The following PADI4 variants were observed in gnomAD, a reference collection of about 807,000 sequenced individuals.
The protein encoded by PADI4 is peptidyl arginine deiminase 4.
PADI4 carries 62 observed loss-of-function variants against 75.0 expected under a neutral mutation model. The observed-to-expected ratio is 0.83, with a 90% CI of 0.67 to 1.02. The LOEUF (loss-of-function observed/expected upper bound fraction) is 1.02. Ranked by LOEUF, PADI4 falls within the 50% of genes least tolerant of loss-of-function variation. PADI4 has a pLI of 0.00. For missense variants in PADI4, 845 were observed against 850.5 expected (o/e 0.99, Z 0.08); for synonymous variants, 361 against 348.1 (o/e 1.04, Z -0.41).
intron 1 of PADI4, among the ~76,000 whole-genome samples, chr1:17,317,452 G>T (rs996094944): frequency 1.3e-5 from 2 of 151,392 alleles, no homozygotes; most frequent in Middle Eastern, 3.4e-3. Flanking sequence ...TGTATTTTTA[G>T]TACAGACGGG....
chr1:17,316,707 A>T lies in PADI4; in HGVS notation c.92+8393A>T, dbSNP rs59802458. On this transcript the variant is annotated intron_variant, in intron 1 of 15. Transcript: ENST00000375448. The stretch of plus-strand genomic sequence containing the variant: ...TCCGTCTCAAAATAAATAAATAAAT[A>T]AATTAATTAATTAATTAATTAATTA... Among the ~76,000 whole-genome samples the T allele has an allele frequency of 7.9e-3, 1,168 of 148,176 alleles. 18 individuals carry two copies. Among genetic ancestry groups the T allele is most frequent in the African/African-American group, 0.028 (1,108 of 39,830 alleles).
intron 1 of PADI4, among the ~76,000 whole-genome samples, chr1:17,311,130 G>T (rs192827221): frequency 3.9e-5 from 6 of 152,090 alleles, no homozygotes; most frequent in Admixed American, 3.9e-4. Flanking sequence ...GGGAGTAGTG[G>T]CACATGCCTG....
At position 17,354,762 on chromosome 1, in the gene PADI4, C is replaced by A. The variant is rs191190431; in HGVS notation, c.1310+75C>A. On this transcript the variant is annotated intron_variant, in intron 11 of 15. Coordinates refer to ENST00000375448, the MANE Select transcript of PADI4 (RefSeq NM_012387.3). ...AGAAAAGCAGAGGCCAGAGTGGAAG[C>A]CTTGCCTTCCTGCTTCCGATTCTAG... is the stretch of plus-strand genomic sequence containing the variant. The A allele has an allele frequency of 8.9e-5, 121 of 1,364,832 alleles. 1 individual carries two copies. In the East Asian group the frequency reaches 2.1e-3, roughly 24 times the overall value. 84.5% of individuals were successfully genotyped at this position (1,364,832 alleles called of 1,614,324 possible).
intron 5 of PADI4, among the ~76,000 whole-genome samples, chr1:17,339,163 G>A (rs367550087): frequency 5.9e-5 from 9 of 152,034 alleles, no homozygotes; most frequent in Non-Finnish European, 1.3e-4. Context: ...CAAATTGACC[G>A]CAAAGCCTTT....
rs1217385704 is a variant in PADI4, at chr1:17,358,258, A to C, written c.1559-580A>C. On this transcript the variant is annotated intron_variant, in intron 13 of 15. Coordinates refer to ENST00000375448, the MANE Select transcript of PADI4 (RefSeq NM_012387.3). ...GCAAGGCTCTGTCTCAAAACAAAAA[A>C]AAAATTACACTATAAAAATATATTT... Among the ~76,000 whole-genome samples, 13 of 148,594 alleles carry C rather than the reference A, an allele frequency of 8.7e-5. No individual in the cohort carries two copies. In the East Asian group the frequency reaches 2.6e-3, roughly 30 times the overall value.
chr1:17,349,973 C>G (rs375178256), intron 10 of PADI4, among the ~76,000 whole-genome samples: 1 of 123,628 alleles, frequency 8.1e-6, no homozygotes, highest in Non-Finnish European at 1.8e-5. Context: ...TCCCTGTTCA[C>G]GGGGCTGGCT....
At chr1:17,310,376 A>G (rs2073798671) in intron 1 of PADI4, among the ~76,000 whole-genome samples, 1 of 152,048 alleles carries the variant, frequency 6.6e-6, no homozygotes, top group South Asian at 2.1e-4. Flanking sequence ...GTCACTTCTT[A>G]TCTGTTCTTA....
chr1:17,339,566 T>C (rs936396597), intron 5 of PADI4, 122 bp from the exon 6 acceptor site: 1 of 915,276 alleles, frequency 1.1e-6, no homozygotes, highest in Admixed American at 2.2e-5. Flanking sequence ...CCAGGCAACA[T>C]GGTAAAGGGA....
In PADI4 at chr1:17,363,857, C is replaced by CTGGGGG. The variant is rs1557588421; in HGVS notation, c.*102_*103insTGGGGG. On this transcript the variant is annotated 3_prime_UTR_variant, in exon 16 of 16. Transcript: ENST00000375448. ...TGTGAATATTGTGGCTCCCTGGGGG[C>CTGGGGG]GGCCAGCCCTCCCAGCAGTGGCTTG... 1.3e-6 allele frequency: 1 copy of CTGGGGG among 754,452 alleles called. No homozygotes were observed. The highest frequency in any genetic ancestry group is 2.5e-5 in the Admixed American group (1 of 40,220). The allele number at this position is 754,452 out of a possible 1,614,324, so 46.7% of individuals were successfully genotyped here. A position where few individuals can be genotyped will look rare whatever the true frequency, so the allele number is the denominator to read the frequency against.
intron 1 of PADI4, among the ~76,000 whole-genome samples, chr1:17,311,539 T>A (rs74219785): frequency 0.012 from 1,818 of 150,424 alleles, 40 homozygotes; most frequent in East Asian, 0.045. Context: ...TTTTTTTTTT[T>A]AAAAACGGAG....
chr1:17,348,991 C>T (rs577876035), intron 10 of PADI4, among the ~76,000 whole-genome samples: 1 of 152,342 alleles, frequency 6.6e-6, no homozygotes, highest in African/African-American at 2.4e-5. Context: ...TGGCCCTGCC[C>T]ACACAGAAGG....
At position 17,359,311 on chromosome 1, in the gene PADI4, A is replaced by T. The variant is rs753680904; in HGVS notation, c.1661A>T (p.Lys554Met). The T allele has an allele frequency of 1.9e-6, 3 of 1,613,078 alleles. No individual in the cohort carries two copies. The highest frequency in any genetic ancestry group is 2.5e-6 in the Non-Finnish European group (3 of 1,179,692). Residue 554 changes from lysine to methionine, a missense_variant, in exon 15 of 16, where the codon AAG becomes ATG. Coordinates refer to ENST00000375448, the MANE Select transcript of PADI4 (RefSeq NM_012387.3). ...RCIDWNRELL[K>M]RELGLAESDI... ...ATCGACTGGAACCGCGAGCTGCTGAAGCGGGAGCTGGGCCTGGCCGAGAGT... is the reference window on the plus strand; with the variant it reads ...ATCGACTGGAACCGCGAGCTGCTGATGCGGGAGCTGGGCCTGGCCGAGAGT...
chr1:17,340,052 G>GCA (rs937935130), intron 6 of PADI4, among the ~76,000 whole-genome samples: 8 of 98,264 alleles, frequency 8.1e-5, no homozygotes, highest in Admixed American at 4.8e-4. Flanking sequence ...ACACGCGCGC[G>GCA]CACACACACA....
intron 10 of PADI4, among the ~76,000 whole-genome samples, chr1:17,353,653 C>T (rs1355145683): frequency 1.3e-5 from 2 of 152,050 alleles, no homozygotes; most frequent in African/African-American, 4.8e-5. Context: ...CCTGATGTTT[C>T]CTTATATGGT....
chr1:17,316,312 T>C (rs1297264622), intron 1 of PADI4, among the ~76,000 whole-genome samples: 2 of 151,698 alleles, frequency 1.3e-5, no homozygotes, highest in East Asian at 3.9e-4. Context: ...GAGAATCATT[T>C]GAACCTGTGA....
intron 13 of PADI4, among the ~76,000 whole-genome samples, chr1:17,357,377 C>A (rs2074778254): frequency 6.6e-6 from 1 of 152,064 alleles, no homozygotes; most frequent in Non-Finnish European, 1.5e-5. Context: ...CCATGCTGGC[C>A]AGGCTGGTCT....
chr1:17,345,906 G>A lies in PADI4; in HGVS notation c.936-122G>A, dbSNP rs143723973. On this transcript the variant is annotated intron_variant, in intron 8 of 15. Transcript: ENST00000375448. ...CCTGCTAAGAGCAGATGGACCGGACGTGCCAGGAGCCTCTGTTCAGGCCAC... is the reference window on the plus strand; with the variant it reads ...CCTGCTAAGAGCAGATGGACCGGACATGCCAGGAGCCTCTGTTCAGGCCAC... 2.9e-3 allele frequency: 1,829 copies of A among 630,032 alleles called. 25 individuals are homozygous for A. Among genetic ancestry groups the A allele is most frequent in the East Asian group, 0.023 (839 of 36,104 alleles). 39.0% of individuals were successfully genotyped at this position (630,032 alleles called of 1,614,324 possible).
chr1:17,340,052 GCACA>G (rs937935130), intron 6 of PADI4, among the ~76,000 whole-genome samples: 166 of 98,370 alleles, frequency 1.7e-3, no homozygotes, highest in South Asian at 6.1e-3. Context: ...ACACGCGCGC[GCACA>G]CACACACACA....
chr1:17,362,693 A>T (rs891565363), intron 15 of PADI4, among the ~76,000 whole-genome samples: 3 of 152,228 alleles, frequency 2.0e-5, no homozygotes, highest in Admixed American at 6.5e-5. Context: ...CTAAATTTTT[A>T]AATTTAAAAT....
Sources: allele counts gnomAD v4.1 joint callset (sites outside exome capture counted in the v4.1 genomes callset), GRCh38; gene constraint gnomAD v4.1.1; transcripts MANE v1.5; gene names NCBI Gene and HGNC (gene_info 2026-07-23, HGNC 2026-07-21).